CCL27: variants seen among roughly 807,000 people sequenced by gnomAD.
CCL27 encodes the protein C-C motif chemokine ligand 27.
Under a neutral mutation model 7.7 loss-of-function variants are expected in CCL27, and 8 were observed. That is an observed-to-expected ratio of 1.04 (90% confidence interval 0.61 to 1.88). The LOEUF is 1.88. CCL27 is among the 40% of genes most tolerant of loss of function. The pLI, the probability that CCL27 is intolerant of heterozygous loss-of-function variation, is 0.00. For missense variants in CCL27, 130 were observed against 130.0 expected (o/e 1.00, Z 0.00); for synonymous variants, 49 against 53.2 (o/e 0.92, Z 0.34).
rs542820093 is a variant in CCL27, at chr9:34,662,586, G to A, written c.48C>T (p.Leu16=). Residue 16 remains leucine (L), a synonymous_variant, in exon 1 of 3, where the codon CTC becomes CTT. Transcript: ENST00000259631. ...CACCTGCTGTAGGGTCTGGGCTCAG[G>A]AGCAATGACAGCAGCAGGAGGCTGC... The part of the protein sequence containing the change: ...TFCSLLLLSL[L]LSPDPTAAFL... 6 of 1,614,018 alleles carry A rather than the reference G, an allele frequency of 3.7e-6. No homozygotes were observed. In the South Asian group the frequency reaches 4.4e-5, roughly 12 times the overall value.
intron 2 of CCL27, 75 bp from the exon 3 acceptor site, chr9:34,662,154 AG>A: frequency 6.3e-7 from 1 of 1,599,494 alleles, no homozygotes; most frequent in Non-Finnish European, 8.6e-7. Context: ...GACCCTAATT[AG>A]GGGTTAGGAG....
At position 34,662,131 on chromosome 9, in the gene CCL27, G is replaced by A. The variant is rs780157304; in HGVS notation, c.204-52C>T. 58 of 1,609,322 alleles carry A rather than the reference G, an allele frequency of 3.6e-5. No individual in the cohort carries two copies. The Admixed American group carries it at 3.7e-4, about 10-fold the overall frequency. On this transcript the variant is annotated intron_variant, in intron 2 of 2. Coordinates refer to ENST00000259631, the MANE Select transcript of CCL27 (RefSeq NM_006664.4). ...GACCATAGCTTGGGGATGAGATTAG[G>A]GTCATCCCCAATGACCCTAATTAGG...
chr9:34,662,118 G>A, intron 2 of CCL27, 39 bp from the exon 3 acceptor site: 1 of 1,613,674 alleles, frequency 6.2e-7, no homozygotes, highest in Non-Finnish European at 8.5e-7. Flanking sequence ...CCATAGCTTG[G>A]GGATGAGATT....
At position 34,661,995 on chromosome 9, in the gene CCL27, G is replaced by A. The variant is rs1252024761; in HGVS notation, c.288C>T (p.Leu96=). 2 of 1,614,238 alleles carry A rather than the reference G, an allele frequency of 1.2e-6. No individual in the cohort carries two copies. Among genetic ancestry groups the A allele is most frequent in the Non-Finnish European group, 1.7e-6 (2 of 1,180,042 alleles). The change falls in exon 3 of 3, where the codon CTC becomes CTT. Residue 96 remains leucine, a synonymous_variant. Coordinates refer to ENST00000259631, the MANE Select transcript of CCL27 (RefSeq NM_006664.4). ...SQWFEHQERK[L]HGTLPKLNFG... Reference sequence around the variant, plus strand: ...AATTCAGCTTGGGCAGAGTCCCATGGAGCTTTCTCTCTTGGTGCTCAAACC... The same window carrying A: ...AATTCAGCTTGGGCAGAGTCCCATGAAGCTTTCTCTCTTGGTGCTCAAACC...
At chr9:34,662,247 GAGGTC>G in intron 2 of CCL27, 32 bp downstream of exon 2, 1 of 1,612,854 alleles carries the variant, frequency 6.2e-7, no homozygotes, top group Non-Finnish European at 8.5e-7. Context: ...GGTTGGGACT[GAGGTC>G]AGAGTCAGGG....
rs1290835844 is a variant in CCL27, at chr9:34,662,292, C to T, written c.195G>A (p.Gln65=). 16 of 1,613,886 alleles carry T rather than the reference C, an allele frequency of 9.9e-6. No individual in the cohort carries two copies. In the Admixed American group the frequency reaches 2.3e-4, roughly 24 times the overall value. The change falls in exon 2 of 3, where the codon CAG becomes CAA. Residue 65 remains glutamine, a synonymous_variant. Transcript: ENST00000259631. ...CAGGGGTGGGAGCTCACACGAAAGC[C>T]TGGAGGTGACAGTCCCCGTCAGCCT... ...LQEADGDCHL[Q]AFVLHLAQRS... is the part of the protein sequence containing the mutation.
At chr9:34,662,140 C>T in intron 2 of CCL27, 61 bp from the exon 3 acceptor site, 3 of 1,597,636 alleles carry the variant, frequency 1.9e-6, no homozygotes, top group Non-Finnish European at 2.6e-6. Context: ...GGGTCATCCC[C>T]AATGACCCTA....
chr9:34,662,390 A>AC lies in CCL27; in HGVS notation c.96_97insG (p.Cys33ValfsTer27), dbSNP rs1460050084. 1 of 1,614,136 alleles carries AC rather than the reference A, an allele frequency of 6.2e-7. No individual in the cohort carries two copies. ...GGCTTTCGGTAGAGCTGAGTACAGC[A>AC]GGCAGTGCTGGGTGGCAGTAGGAAT... On this transcript the variant is annotated frameshift_variant, in exon 2 of 3. Transcript: ENST00000259631. LOFTEE classifies it high-confidence loss of function.
chr9:34,662,420 G>A lies in CCL27; in HGVS notation c.71-4C>T. On this transcript the variant is annotated splice_region_variant and splice_polypyrimidine_tract_variant and intron_variant, in intron 1 of 2. Transcript: ENST00000259631. ...GTGCTGGGTGGCAGTAGGAATGCTAGGGGCAACAGGGCCATGTGTTCAGAG... is the reference window on the plus strand; with the variant it reads ...GTGCTGGGTGGCAGTAGGAATGCTAAGGGCAACAGGGCCATGTGTTCAGAG... 6.2e-7 allele frequency: 1 copy of A among 1,613,982 alleles called. No individual in the cohort carries two copies.
Position 34,662,092 on chromosome 9 carries a change from A to G in CCL27, c.204-13T>C. ...AGCCAGGTGAAGCCTGGGTAGAGAA[A>G]GGTCCAAAGCTATGACCATAGCTTG... is the stretch of plus-strand genomic sequence containing the variant. On this transcript the variant is annotated splice_polypyrimidine_tract_variant and intron_variant, in intron 2 of 2. Coordinates refer to ENST00000259631, the MANE Select transcript of CCL27 (RefSeq NM_006664.4). 6.2e-7 allele frequency: 1 copy of G among 1,614,142 alleles called. No homozygotes were observed. Among genetic ancestry groups the G allele is most frequent in the Non-Finnish European group, 8.5e-7 (1 of 1,180,004 alleles).
At chr9:34,662,263 G>GT (rs902446052) in intron 2 of CCL27, 21 bp downstream of exon 2, 54 of 1,613,210 alleles carry the variant, frequency 3.3e-5, no homozygotes, top group Non-Finnish European at 4.3e-5. Flanking sequence ...AGAGTCAGGG[G>GT]TATCAGGGGT....
Position 34,662,406 on chromosome 9 carries a change from C to T in CCL27, c.81G>A (p.Leu27=). ...GAGTACAGCAGGCAGTGCTGGGTGG[C>T]AGTAGGAATGCTAGGGGCAACAGGG... ...LSPDPTAAFL[L]PPSTACCTQL... is the part of the protein sequence containing the mutation. Residue 27 remains leucine, a synonymous_variant, in exon 2 of 3, where the codon CTG becomes CTA. Coordinates refer to ENST00000259631, the MANE Select transcript of CCL27 (RefSeq NM_006664.4). The T allele has an allele frequency of 1.2e-6, 2 of 1,614,068 alleles. No individual in the cohort carries two copies. The highest frequency in any genetic ancestry group is 4.5e-5 in the East Asian group (2 of 44,890).
In CCL27 at chr9:34,662,408, G is replaced by A; in HGVS notation, c.79C>T (p.Leu27=). The A allele has an allele frequency of 6.2e-7, 1 of 1,614,066 alleles. No individual in the cohort carries two copies. Among genetic ancestry groups the A allele is most frequent in the Non-Finnish European group, 8.5e-7 (1 of 1,179,984 alleles). Residue 27 remains leucine, a synonymous_variant, in exon 2 of 3, where the codon CTG becomes TTG. Transcript: ENST00000259631. ...GTACAGCAGGCAGTGCTGGGTGGCA[G>A]TAGGAATGCTAGGGGCAACAGGGCC... ...LSPDPTAAFL[L]PPSTACCTQL...
In CCL27 at chr9:34,662,657, T is replaced by G; in HGVS notation, c.-24A>C. On this transcript the variant is annotated 5_prime_UTR_variant, in exon 1 of 3. Coordinates refer to ENST00000259631, the MANE Select transcript of CCL27 (RefSeq NM_006664.4). ...ATGTTGCTCAGCCTAGACTCTTCCTTCTCTCTCTCTCCTCCTCCCCTACCT... is the reference window on the plus strand; with the variant it reads ...ATGTTGCTCAGCCTAGACTCTTCCTGCTCTCTCTCTCCTCCTCCCCTACCT... 6.5e-7 allele frequency: 1 copy of G among 1,543,876 alleles called. No homozygotes were observed. Among genetic ancestry groups the G allele is most frequent in the Non-Finnish European group, 8.8e-7 (1 of 1,137,544 alleles).
intron 2 of CCL27, 38 bp from the exon 3 acceptor site, chr9:34,662,117 G>T (rs899768699): frequency 1.2e-6 from 2 of 1,613,194 alleles, no homozygotes. Context: ...ACCATAGCTT[G>T]GGGATGAGAT....
rs1294061850 is a variant in CCL27 at position 34,662,262 on chromosome 9, G to A, written c.203+22C>T. 3.1e-6 allele frequency: 5 copies of A among 1,613,334 alleles called. No individual in the cohort carries two copies. The East Asian group carries it at 1.1e-4, about 36-fold the overall frequency. ...GGTTGGGACTGAGGTCAGAGTCAGG[G>A]GTATCAGGGGTGGGAGCTCACACGA... On this transcript the variant is annotated intron_variant, in intron 2 of 2. Transcript: ENST00000259631.
rs1821464826 is a variant in CCL27 at position 34,661,919 on chromosome 9, C to T, written c.*25G>A. Reference sequence around the variant, plus strand: ...ACTCAGAAATTATTATCCAATGCTGCTTTATTATTTGGCTATTGGGGGCTT... The same window carrying T: ...ACTCAGAAATTATTATCCAATGCTGTTTTATTATTTGGCTATTGGGGGCTT... On this transcript the variant is annotated 3_prime_UTR_variant, in exon 3 of 3. Coordinates refer to ENST00000259631, the MANE Select transcript of CCL27 (RefSeq NM_006664.4). 1 of 1,612,720 alleles carries T rather than the reference C, an allele frequency of 6.2e-7. No individual in the cohort carries two copies. The highest frequency in any genetic ancestry group is 8.5e-7 in the Non-Finnish European group (1 of 1,178,958).
At position 34,662,045 on chromosome 9, in the gene CCL27, G is replaced by A. The variant is rs772954013; in HGVS notation, c.238C>T (p.Pro80Ser). 20 of 1,614,086 alleles carry A rather than the reference G, an allele frequency of 1.2e-5. No homozygotes were observed. The highest frequency in any genetic ancestry group is 1.7e-5 in the Non-Finnish European group (20 of 1,180,036). ...CACTGTGACAGGCTGGGGTTCTGGG[G>A]GTGGATGCAGATGCTGCGTTGAGCC... Reference protein sequence around the residue: ...HLAQRSICIHPQNPSLSQWFE... With the variant: ...HLAQRSICIHSQNPSLSQWFE... The change falls in exon 3 of 3, where the codon CCC becomes TCC. Residue 80 changes from proline (P) to serine (S), a missense_variant. Coordinates refer to ENST00000259631, the MANE Select transcript of CCL27 (RefSeq NM_006664.4).
In CCL27 at chr9:34,662,563, C is replaced by T; in HGVS notation, c.70+1G>A. Reference sequence around the variant, plus strand: ...AGCTTTCTATACCCCCAAGTACTCACCTGCTGTAGGGTCTGGGCTCAGGAG... The same window carrying T: ...AGCTTTCTATACCCCCAAGTACTCATCTGCTGTAGGGTCTGGGCTCAGGAG... On this transcript the variant is annotated splice_donor_variant, in intron 1 of 2. Coordinates refer to ENST00000259631, the MANE Select transcript of CCL27 (RefSeq NM_006664.4). LOFTEE classifies it high-confidence loss of function. 6.2e-7 allele frequency: 1 copy of T among 1,614,118 alleles called. No homozygotes were observed. Among genetic ancestry groups the T allele is most frequent in the Non-Finnish European group, 8.5e-7 (1 of 1,180,002 alleles).
Sources: allele counts gnomAD v4.1 joint callset, GRCh38; gene constraint gnomAD v4.1.1; transcripts MANE v1.5; gene names NCBI Gene and HGNC (gene_info 2026-07-23, HGNC 2026-07-21).